Variants in PLCD1 observed in about 807,000 individuals in gnomAD.
The protein encoded by PLCD1 is 1-phosphatidylinositol 4,5-bisphosphate phosphodiesterase delta-1.
Under a neutral mutation model 87.4 loss-of-function variants are expected in PLCD1, and 71 were observed. The ratio of observed to expected loss-of-function variants is 0.81; its 90% CI spans 0.67 to 0.99. The LOEUF is 0.99. PLCD1 is among the 50% of genes least tolerant of loss of function. The pLI is 0.00. For synonymous variants in PLCD1, 348 were observed against 399.2 expected (o/e 0.87, Z 1.53); for missense variants, 867 against 1,001.5 (o/e 0.87, Z 1.81).
intron 1 of PLCD1, among the ~76,000 whole-genome samples, chr3:38,026,183 G>T (rs968015484): frequency 6.6e-6 from 1 of 152,100 alleles, no homozygotes; most frequent in Admixed American, 6.5e-5. Flanking sequence ...CAAAATAATT[G>T]GCTTCCTTTG....
rs889944773 is a variant in PLCD1 at position 38,025,959 on chromosome 3, G to A, written c.34+3547C>T. Among the ~76,000 whole-genome samples the A allele has an allele frequency of 3.9e-5, 6 of 152,234 alleles. No homozygotes were observed. The highest frequency in any genetic ancestry group is 7.3e-5 in the Non-Finnish European group (5 of 68,042). ...AGCAGTAATAACAAGAAACTGAAGC[G>A]CAGAGTAACTTGCCTAAGGTCATAT... On this transcript the variant is annotated intron_variant, in intron 1 of 14. Transcript: ENST00000334661. This position sits in a 1 kb window ranked among gnomAD's most constrained non-coding sequence, Gnocchi z 4.0.
At chr3:38,015,447 G>A (rs778925338) in intron 3 of PLCD1, among the ~76,000 whole-genome samples, 1 of 152,216 alleles carries the variant, frequency 6.6e-6, no homozygotes, top group Non-Finnish European at 1.5e-5. Context: ...AATGGGGACT[G>A]ACTGCTAAGG....
intron 3 of PLCD1, 102 bp from the exon 4 acceptor site, chr3:38,011,775 C>T (rs1477816177): frequency 1.8e-6 from 2 of 1,108,572 alleles, no homozygotes; most frequent in Non-Finnish European, 2.7e-6. Flanking sequence ...AGCCACAGCT[C>T]CCTGCAGGCC....
chr3:38,016,702 G>C lies in PLCD1; in HGVS notation c.217C>G (p.Gln73Glu). The C allele has an allele frequency of 6.4e-7, 1 of 1,559,164 alleles. No individual in the cohort carries two copies. Among genetic ancestry groups the C allele is most frequent in the Non-Finnish European group, 8.7e-7 (1 of 1,150,242 alleles). Residue 73 changes from glutamine (Q) to glutamate (E), a missense_variant, in exon 3 of 15, where the codon CAG becomes GAG. Coordinates refer to ENST00000334661, the MANE Select transcript of PLCD1 (RefSeq NM_006225.4). ...ESQLFSIEDIQEVRMGHRTEG... is the reference protein window; with the variant it reads ...ESQLFSIEDIEEVRMGHRTEG... ...GTGCGGTGCCCCATTCGCACCTCCT[G>C]AATGTCCTCGATGGAGACTGCGAGA...
chr3:38,008,368 C>G lies in PLCD1; in HGVS notation c.1903-1G>C. On this transcript the variant is annotated splice_acceptor_variant, in intron 12 of 14. Transcript: ENST00000334661. LOFTEE classifies it high-confidence loss of function. ...TTGGCAGCTGCTGCCCCGAAATGAC[C>G]TGAGGAAAGGCAGAGGACAATGGAC... The G allele has an allele frequency of 6.2e-7, 1 of 1,614,222 alleles. No individual in the cohort carries two copies. Among genetic ancestry groups the G allele is most frequent in the Non-Finnish European group, 8.5e-7 (1 of 1,180,038 alleles).
chr3:38,029,033 G>C (rs866382495), intron 1 of PLCD1, among the ~76,000 whole-genome samples: 108 of 152,348 alleles, frequency 7.1e-4, no homozygotes, highest in African/African-American at 2.5e-3. Context: ...CTCCCCACCC[G>C]CTTAGCCCCT....
chr3:38,024,437 C>A (rs769369885), intron 1 of PLCD1: 1 of 1,610,918 alleles, frequency 6.2e-7, no homozygotes, highest in African/African-American at 1.3e-5. Context: ...ACTGCATGGC[C>A]CTCCACAGTG....
At chr3:38,016,767 T>A (rs1700162730) in intron 2 of PLCD1, 48 bp from the exon 3 acceptor site, 1 of 1,363,184 alleles carries the variant, frequency 7.3e-7, no homozygotes, top group Non-Finnish European at 1.0e-6. Flanking sequence ...TGCTGTGAGG[T>A]CAGTCCCTGA....
At chr3:38,016,045 T>C (rs1700149638) in intron 3 of PLCD1, among the ~76,000 whole-genome samples, 1 of 152,156 alleles carries the variant, frequency 6.6e-6, no homozygotes, top group Non-Finnish European at 1.5e-5. Context: ...CTGAATTGTA[T>C]ACCCCACCCC....
At chr3:38,024,651 G>T (rs1015234912) in intron 1 of PLCD1, 2 of 1,518,832 alleles carry the variant, frequency 1.3e-6, no homozygotes, top group South Asian at 2.4e-5. Context: ...CTGGGCTGAG[G>T]GGGTAGTCAG....
At position 38,009,131 on chromosome 3, in the gene PLCD1, C is replaced by A; in HGVS notation, c.1634G>T (p.Gly545Val). The change falls in exon 11 of 15, where the codon GGG (glycine) becomes GTG (valine). Residue 545 changes from glycine to valine, a missense_variant. Transcript: ENST00000334661. ...SGNGFVRHNVGHLSRIYPAGW... is the reference protein window; with the variant it reads ...SGNGFVRHNVVHLSRIYPAGW... Reference sequence around the variant, plus strand: ...AGCCGGGTAGATTCTGCTCAGGTGCCCCACGTTGTGGCGGACAAAGCCGTT... The same window carrying A: ...AGCCGGGTAGATTCTGCTCAGGTGCACCACGTTGTGGCGGACAAAGCCGTT... The A allele has an allele frequency of 6.2e-7, 1 of 1,614,172 alleles. No homozygotes were observed. Among genetic ancestry groups the A allele is most frequent in the East Asian group, 2.2e-5 (1 of 44,882 alleles).
intron 11 of PLCD1, 108 bp from the exon 12 acceptor site, chr3:38,008,744 G>T: frequency 2.0e-6 from 2 of 998,434 alleles, no homozygotes; most frequent in South Asian, 1.3e-5. Context: ...AGTTAGCAGG[G>T]CCCAGCATCA....
At position 38,024,344 on chromosome 3, in the gene PLCD1, C is replaced by CCGTCA. The variant is rs759566558; in HGVS notation, c.35-3993_35-3992insTGACG. 5.0e-6 allele frequency: 8 copies of CCGTCA among 1,612,766 alleles called. No individual in the cohort carries two copies. In the East Asian group the frequency reaches 1.8e-4, roughly 36 times the overall value. On this transcript the variant is annotated intron_variant, in intron 1 of 14. Transcript: ENST00000334661. ...GTGCTCTGCGCCCCTTACCCAGCCT[C>CCGTCA]CGTCCATTGAGCGCCGCCACCTTAA...
chr3:38,024,647 T>A (rs897503375), intron 1 of PLCD1: 24 of 1,519,264 alleles, frequency 1.6e-5, no homozygotes, highest in Non-Finnish European at 2.0e-5. Flanking sequence ...AAATCTGGGC[T>A]GAGGGGGTAG....
In PLCD1 at chr3:38,017,171, CT is replaced by C. The variant is rs903209728; in HGVS notation, c.200-453del. Among the ~76,000 whole-genome samples, 4 of 152,086 alleles carry C rather than the reference CT, an allele frequency of 2.6e-5. No homozygotes were observed. Among genetic ancestry groups the C allele is most frequent in the Non-Finnish European group, 5.9e-5 (4 of 67,990 alleles). On this transcript the variant is annotated intron_variant, in intron 2 of 14. Coordinates refer to ENST00000334661, the MANE Select transcript of PLCD1 (RefSeq NM_006225.4). The surrounding 1 kb of genome is among the most constrained non-coding windows in gnomAD (Gnocchi z 4.7). ...TGACAGAGAAGGGCCATGCACCCTTCTGACTGTATTGGACTTTGGGTCTGTC... is the reference window on the plus strand; with the variant it reads ...TGACAGAGAAGGGCCATGCACCCTTCGACTGTATTGGACTTTGGGTCTGTC...
intron 1 of PLCD1, among the ~76,000 whole-genome samples, chr3:38,022,625 CAG>C (rs927810225): frequency 6.6e-6 from 1 of 152,194 alleles, no homozygotes; most frequent in Non-Finnish European, 1.5e-5. Context: ...TACAGTCAGG[CAG>C]AGATAAACCC....
At chr3:38,026,241 G>C (rs1033148374) in intron 1 of PLCD1, among the ~76,000 whole-genome samples, 1 of 152,146 alleles carries the variant, frequency 6.6e-6, no homozygotes, top group Non-Finnish European at 1.5e-5. Flanking sequence ...GATCCTGGCC[G>C]GGCGCAGTGG....
chr3:38,018,172 A>G lies in PLCD1; in HGVS notation c.200-1453T>C, dbSNP rs1021959884. On this transcript the variant is annotated intron_variant, in intron 2 of 14. Coordinates refer to ENST00000334661, the MANE Select transcript of PLCD1 (RefSeq NM_006225.4). This position sits in a 1 kb window ranked among gnomAD's most constrained non-coding sequence, Gnocchi z 5.7. ...ACTGGGCAGAAGGGGAGGCTATTCC[A>G]GGCCTCCCTCACCTGGCCTCTGTTT... is the stretch of plus-strand genomic sequence containing the variant. Among the ~76,000 whole-genome samples, 6 of 152,198 alleles carry G rather than the reference A, an allele frequency of 3.9e-5. No homozygotes were observed. The highest frequency in any genetic ancestry group is 1.4e-4 in the African/African-American group (6 of 41,446).
At position 38,008,975 on chromosome 3, in the gene PLCD1, C is replaced by T. The variant is rs1036582840; in HGVS notation, c.1723+67G>A. ...GAGCTCCACTGCATGGCCTTCGAGG[C>T]TCCAGGCCCCCGGCCTTGGGACTGA... is the stretch of plus-strand genomic sequence containing the variant. On this transcript the variant is annotated intron_variant, in intron 11 of 14. Transcript: ENST00000334661. 81 of 1,329,654 alleles carry T rather than the reference C, an allele frequency of 6.1e-5. No individual in the cohort carries two copies. In the African/African-American group the frequency reaches 7.3e-4, roughly 12 times the overall value. The allele number at this position is 1,329,654 out of a possible 1,614,324, so 82.4% of individuals were successfully genotyped here.
Sources: gnomAD v4.1 joint callset for allele counts (sites outside exome capture counted in the v4.1 genomes callset) on GRCh38, gnomAD v4.1.1 for gene constraint, Gnocchi (gnomAD v3.1) non-coding constraint, MANE v1.5 for transcripts, NCBI Gene and HGNC (gene_info 2026-07-23, HGNC 2026-07-21) for gene names.